Variants in SLC4A9 observed in about 807,000 individuals in gnomAD.
SLC4A9 encodes solute carrier family 4 member 9.
Under a neutral mutation model 103.2 loss-of-function variants are expected in SLC4A9, and 102 were observed. That is an observed-to-expected ratio of 0.99 (90% CI 0.84 to 1.17). The LOEUF is 1.17. SLC4A9 is among the 50% of genes most tolerant of loss of function. SLC4A9 has a pLI of 0.00. For synonymous variants in SLC4A9, 453 were observed against 483.6 expected (o/e 0.94, Z 0.83); for missense variants, 1,091 against 1,193.7 (o/e 0.91, Z 1.27).
In SLC4A9 at chr5:140,364,459, G is replaced by T. The variant is rs1767591034; in HGVS notation, c.1485G>T (p.Leu495=). The part of the protein sequence containing the change: ...LVLVATEASV[L]VRYFTRFTEE... ...TGGTGGCCACAGAGGCCAGTGTGCTGGTGCGCTACTTCACCCGCTTCACTG... is the reference window on the plus strand; with the variant it reads ...TGGTGGCCACAGAGGCCAGTGTGCTTGTGCGCTACTTCACCCGCTTCACTG... Residue 495 remains leucine, a synonymous_variant, in exon 11 of 22, where the codon CTG becomes CTT. Transcript: ENST00000506757. 1 of 1,613,374 alleles carries T rather than the reference G, an allele frequency of 6.2e-7. No homozygotes were observed. The highest frequency in any genetic ancestry group is 8.5e-7 in the Non-Finnish European group (1 of 1,179,606).
At chr5:140,365,493 A>G in intron 11 of SLC4A9, 27 bp from the exon 12 acceptor site, 1 of 1,597,436 alleles carries the variant, frequency 6.3e-7, no homozygotes. Flanking sequence ...GAGGGAACAT[A>G]CATCTGAATT....
chr5:140,371,377 A>G (rs1768697843), intron 18 of SLC4A9, 74 bp from the exon 19 acceptor site: 1 of 1,564,022 alleles, frequency 6.4e-7, no homozygotes, highest in Non-Finnish European at 8.8e-7. Flanking sequence ...GTGCTGGGCT[A>G]TGATAGCTAT....
In SLC4A9 at chr5:140,367,706, A is replaced by G; in HGVS notation, c.2176-14A>G. ...GGCTAGCTTCATCCTCATTGCCCCC[A>G]CCACTACCTGCAGAAGGGAGCTGGC... On this transcript the variant is annotated splice_polypyrimidine_tract_variant and intron_variant, in intron 15 of 21. Coordinates refer to ENST00000506757, the MANE Select transcript of SLC4A9 (RefSeq NM_031467.3). 1 of 1,613,492 alleles carries G rather than the reference A, an allele frequency of 6.2e-7. No individual in the cohort carries two copies.
intron 11 of SLC4A9, among the ~76,000 whole-genome samples, chr5:140,365,073 T>G (rs1224002912): frequency 6.6e-6 from 1 of 152,220 alleles, no homozygotes; most frequent in East Asian, 1.9e-4. Flanking sequence ...ATCACTGCTC[T>G]TCTGGGTGAG....
chr5:140,360,742 C>A, intron 1 of SLC4A9, 70 bp from the exon 2 acceptor site: 1 of 1,604,338 alleles, frequency 6.2e-7, no homozygotes, highest in South Asian at 1.1e-5. Context: ...TTCCCTAGCT[C>A]CTCTGCATCT....
At position 140,363,416 on chromosome 5, in the gene SLC4A9, C is replaced by G. The variant is rs1204932293; in HGVS notation, c.963-23C>G. On this transcript the variant is annotated intron_variant, in intron 7 of 21. Transcript: ENST00000506757. This position sits in a 1 kb window ranked among gnomAD's most constrained non-coding sequence, Gnocchi z 4.5. ...AGACTGGTTGGAGATCCTCAGCCAA[C>G]CTGGGGTTCCCCTCCTCCTCAGGCT... is the stretch of plus-strand genomic sequence containing the variant. 1.9e-6 allele frequency: 3 copies of G among 1,548,000 alleles called. No individual in the cohort carries two copies. Among genetic ancestry groups the G allele is most frequent in the Non-Finnish European group, 8.7e-7 (1 of 1,144,314 alleles).
intron 17 of SLC4A9, among the ~76,000 whole-genome samples, chr5:140,369,974 C>T (rs888584730): frequency 3.9e-5 from 6 of 151,984 alleles, no homozygotes; most frequent in Non-Finnish European, 8.8e-5. Flanking sequence ...TGGACTCCAG[C>T]CTGGGCAACA....
At chr5:140,372,593 G>A in intron 20 of SLC4A9, 152 bp from the exon 21 acceptor site, 3 of 1,439,388 alleles carry the variant, frequency 2.1e-6, no homozygotes, top group South Asian at 1.5e-5. Flanking sequence ...GGCCCTCGAT[G>A]TGGGTGGAAA....
At position 140,365,872 on chromosome 5, in the gene SLC4A9, TGA is replaced by T; in HGVS notation, c.1751_1752del (p.Glu584ValfsTer70). The part of the protein sequence containing the change: ...LINASLLPPP[E>X]CTRQGGHPRG... ...TCAATGCATCCTTGCTGCCGCCACC[TGA>T]GTGCACCCGGCAGGGAGGCCACCCT... On this transcript the variant is annotated frameshift_variant, in exon 13 of 22. Transcript: ENST00000506757. LOFTEE classifies it high-confidence loss of function. The T allele has an allele frequency of 6.2e-7, 1 of 1,613,990 alleles. No individual in the cohort carries two copies. The highest frequency in any genetic ancestry group is 8.5e-7 in the Non-Finnish European group (1 of 1,179,892).
At position 140,363,353 on chromosome 5, in the gene SLC4A9, C is replaced by T. The variant is rs1324270702; in HGVS notation, c.963-86C>T. 1 of 1,279,916 alleles carries T rather than the reference C, an allele frequency of 7.8e-7. No individual in the cohort carries two copies. Among genetic ancestry groups the T allele is most frequent in the Non-Finnish European group, 1.1e-6 (1 of 917,246 alleles). The allele number at this position is 1,279,916 out of a possible 1,614,324, so 79.3% of individuals were successfully genotyped here. On this transcript the variant is annotated intron_variant, in intron 7 of 21. Coordinates refer to ENST00000506757, the MANE Select transcript of SLC4A9 (RefSeq NM_031467.3). This position sits in a 1 kb window ranked among gnomAD's most constrained non-coding sequence, Gnocchi z 4.5. ...TCGCCGGCAGAGACAAGAGCAGCCG[C>T]TAGGGGGCAGGGCGCCACGAGCTCT...
chr5:140,371,792 G>A (rs1768767476), intron 19 of SLC4A9, among the ~76,000 whole-genome samples, 168 bp downstream of exon 19: 1 of 152,254 alleles, frequency 6.6e-6, no homozygotes, highest in South Asian at 2.1e-4. Context: ...TGATACCTAT[G>A]TATGGGCTAG....
chr5:140,362,931 G>T lies in SLC4A9; in HGVS notation c.827G>T (p.Arg276Leu), dbSNP rs368529051. Residue 276 changes from arginine (R) to leucine (L), a missense_variant, in exon 7 of 22, where the codon CGT (arginine) becomes CTT (leucine). By Grantham distance (102) the Arg-to-Leu change is moderately radical. Coordinates refer to ENST00000506757, the MANE Select transcript of SLC4A9 (RefSeq NM_031467.3). ...LSDPQFQWSV[R>L]RASNLHDLLA... ...TCCCAGCAATTCCAGTGGTCAGTTC[G>T]TCGGGCCAGCAACCTTCATGACCTT... is the stretch of plus-strand genomic sequence containing the variant. The T allele has an allele frequency of 1.2e-6, 2 of 1,613,884 alleles. No homozygotes were observed. The highest frequency in any genetic ancestry group is 1.7e-6 in the Non-Finnish European group (2 of 1,179,860).
chr5:140,368,446 C>CA, intron 16 of SLC4A9, 141 bp from the exon 17 acceptor site: 1 of 612,644 alleles, frequency 1.6e-6, no homozygotes, highest in Non-Finnish European at 2.8e-6. Flanking sequence ...GCTAAGGGCT[C>CA]ATCCCTCTGG....
In SLC4A9 at chr5:140,360,395, C is replaced by A. The variant is rs1304609142; in HGVS notation, c.159C>A (p.Asp53Glu). The A allele has an allele frequency of 6.2e-7, 1 of 1,604,560 alleles. No individual in the cohort carries two copies. The highest frequency in any genetic ancestry group is 2.2e-5 in the East Asian group (1 of 44,470). The change falls in exon 1 of 22, where the codon GAC (aspartate) becomes GAA (glutamate). Residue 53 changes from aspartate to glutamate, a missense_variant. By Grantham distance (45) the Asp-to-Glu change is conservative. Transcript: ENST00000506757. Reference sequence around the variant, plus strand: ...GCAAGGAACTGGGAGTACCCAAAGACCCTCTGCTCTTCATTCAGCTGAATG... The same window carrying A: ...GCAAGGAACTGGGAGTACCCAAAGAACCTCTGCTCTTCATTCAGCTGAATG... ...TESKELGVPK[D>E]PLLFIQLNEL...
rs1200175552 is a variant in SLC4A9, at chr5:140,375,072, C to G, written c.*291C>G. ...CTGTTTGACAGAATCTAAGGGCCAT[C>G]AGGGAACTCTTTTCATCTTGCAAAG... On this transcript the variant is annotated 3_prime_UTR_variant, in exon 22 of 22. Transcript: ENST00000506757. 1 of 152,126 alleles carries G rather than the reference C, an allele frequency of 6.6e-6. No individual in the cohort carries two copies. Among genetic ancestry groups the G allele is most frequent in the African/African-American group, 2.4e-5 (1 of 41,428 alleles). The allele number at this position is 152,126 out of a possible 1,614,324, so 9.4% of individuals were successfully genotyped here. A position where few individuals can be genotyped will look rare whatever the true frequency, so the allele number is the denominator to read the frequency against.
At chr5:140,361,221 C>G in intron 2 of SLC4A9, 33 bp from the exon 3 acceptor site, 1 of 1,525,068 alleles carries the variant, frequency 6.6e-7, no homozygotes, top group Non-Finnish European at 8.9e-7. Flanking sequence ...AGGGAACTCT[C>G]AGGAAGGAGA....
chr5:140,369,303 C>A lies in SLC4A9; in HGVS notation c.2427+644C>A, dbSNP rs77070677. Among the ~76,000 whole-genome samples the A allele has an allele frequency of 8.3e-3, 1,235 of 149,526 alleles. 16 individuals carry two copies. Among genetic ancestry groups the A allele is most frequent in the African/African-American group, 0.023 (956 of 40,812 alleles). On this transcript the variant is annotated intron_variant, in intron 17 of 21. Transcript: ENST00000506757. ...CTCAAAAAAAAAAAACAAAAAAAAA[C>A]CAAAAAACAACAACAGAAAAACTTT...
Position 140,362,060 on chromosome 5 carries a change from C to A in SLC4A9, c.605C>A (p.Ala202Glu). 6.2e-7 allele frequency: 1 copy of A among 1,601,098 alleles called. No homozygotes were observed. The highest frequency in any genetic ancestry group is 8.5e-7 in the Non-Finnish European group (1 of 1,176,718). Residue 202 changes from alanine (A) to glutamate (E), a missense_variant, in exon 5 of 22, where the codon GCA becomes GAA. Coordinates refer to ENST00000506757, the MANE Select transcript of SLC4A9 (RefSeq NM_031467.3). ...LRQKLPPGAE[A>E]GTVLAGELGF... ...CAGAAGCTACCTCCAGGAGCTGAGG[C>A]AGGGACTGTGCTGGCAGGGGAGCTG... is the stretch of plus-strand genomic sequence containing the variant.
At chr5:140,362,592 A>G (rs1767263162) in intron 6 of SLC4A9, 60 bp downstream of exon 6, 1 of 1,476,144 alleles carries the variant, frequency 6.8e-7, no homozygotes, top group Non-Finnish European at 9.5e-7. Flanking sequence ...GTGTGTGTGC[A>G]CACATGCATA....
Sources: gnomAD v4.1 joint callset for allele counts (sites outside exome capture counted in the v4.1 genomes callset) on GRCh38, gnomAD v4.1.1 for gene constraint, Gnocchi (gnomAD v3.1) non-coding constraint, MANE v1.5 for transcripts, NCBI Gene and HGNC (gene_info 2026-07-23, HGNC 2026-07-21) for gene names.